Variants in AQR observed in about 807,000 individuals in gnomAD.
AQR encodes the protein aquarius intron-binding spliceosomal factor.
Under a neutral mutation model 180.5 loss-of-function variants are expected in AQR, and 61 were observed. The ratio of observed to expected loss-of-function variants is 0.34; its 90% CI spans 0.28 to 0.42. The LOEUF (loss-of-function observed/expected upper bound fraction) is 0.42. Ranked by LOEUF, AQR falls within the 10% of genes least tolerant of loss-of-function variation. AQR has a pLI of 1.00. For synonymous variants in AQR, 551 were observed against 588.8 expected, an observed-to-expected ratio of 0.94 and a Z score of 0.93; for missense variants, 1,281 against 1,798.3, an observed-to-expected ratio of 0.71 and a Z score of 5.20.
intron 13 of AQR, among the ~76,000 whole-genome samples, chr15:34,920,682 G>A (rs1893669992): frequency 6.6e-6 from 1 of 152,152 alleles, no homozygotes; most frequent in East Asian, 1.9e-4. Flanking sequence ...ATACCGGCAG[G>A]GCAAGGTGGC....
At chr15:34,939,197 T>TA (rs150719165) in intron 8 of AQR, among the ~76,000 whole-genome samples, 16,795 of 152,138 alleles carry the variant, frequency 0.11, 1,030 homozygotes, top group Middle Eastern at 0.17. Context: ...GCCTCTCGAG[T>TA]AGCTGGGATG....
intron 6 of AQR, among the ~76,000 whole-genome samples, chr15:34,943,710 CCA>C (rs147647035): frequency 0.012 from 1,788 of 152,164 alleles, 37 homozygotes; most frequent in African/African-American, 0.04. Context: ...TATCAGCTAA[CCA>C]CACAGGAAAG....
At chr15:34,945,049 C>G (rs531938213) in intron 5 of AQR, among the ~76,000 whole-genome samples, 2 of 152,198 alleles carry the variant, frequency 1.3e-5, no homozygotes, top group Non-Finnish European at 2.9e-5. Flanking sequence ...CTCCTTTTCA[C>G]CATATTGAAG....
At chr15:34,881,795 CTTTG>C (rs1056254616) in intron 27 of AQR, among the ~76,000 whole-genome samples, 1 of 151,778 alleles carries the variant, frequency 6.6e-6, no homozygotes, top group African/African-American at 2.4e-5. Context: ...ATGAAAACCA[CTTTG>C]TTTTTTTTTG....
rs1217672016 is a variant in AQR at position 34,925,118 on chromosome 15, C to G, written c.1118+1917G>C. On this transcript the variant is annotated intron_variant, in intron 13 of 34. Coordinates refer to ENST00000156471, the MANE Select transcript of AQR (RefSeq NM_014691.3). ...TTAAACTGAAAGAAAATAAATGCAA[C>G]ACAAACTAGACAAAGGGATTAGGAC... Among the ~76,000 whole-genome samples, 9 of 151,908 alleles carry G rather than the reference C, an allele frequency of 5.9e-5. No homozygotes were observed. The South Asian group carries it at 6.2e-4, about 11-fold the overall frequency.
At chr15:34,897,537 T>A in intron 21 of AQR, 22 bp downstream of exon 21, 1 of 1,611,520 alleles carries the variant, frequency 6.2e-7, no homozygotes, top group African/African-American at 1.3e-5. Context: ...ATCATTACAA[T>A]TATAATAGGT....
chr15:34,871,025 C>G, intron 30 of AQR, 103 bp from the exon 31 acceptor site: 1 of 1,105,826 alleles, frequency 9.0e-7, no homozygotes, highest in East Asian at 2.4e-5. Flanking sequence ...ACTTTGCACA[C>G]TGCAAGAAGT....
intron 27 of AQR, among the ~76,000 whole-genome samples, chr15:34,877,049 T>C (rs1566980464): frequency 6.6e-6 from 1 of 152,234 alleles, no homozygotes; most frequent in Non-Finnish European, 1.5e-5. Flanking sequence ...TTGTTTAATG[T>C]ATCTTTTCCG....
At chr15:34,890,932 T>G (rs1018522406) in intron 23 of AQR, among the ~76,000 whole-genome samples, 19 of 152,190 alleles carry the variant, frequency 1.2e-4, no homozygotes, top group Admixed American at 1.1e-3. Flanking sequence ...ATTCATTATC[T>G]GAACTTCCGC....
Position 34,860,157 on chromosome 15 carries a change from TAGA to T in AQR, c.4030-5_4030-3del. The T allele has an allele frequency of 6.9e-7, 1 of 1,453,854 alleles. No individual in the cohort carries two copies. The highest frequency in any genetic ancestry group is 1.5e-5 in the South Asian group (1 of 67,700). The allele number at this position is 1,453,854 out of a possible 1,614,324, so 90.1% of individuals were successfully genotyped here. A position where few individuals can be genotyped will look rare whatever the true frequency, so the allele number is the denominator to read the frequency against. On this transcript the variant is annotated splice_region_variant and splice_polypyrimidine_tract_variant and intron_variant, in intron 33 of 34. Transcript: ENST00000156471. ...TTCATGAGATGGTCTCTCTCCATTC[TAGA>T]AGAAGGAAAAAAGAACGTTAAGTAT...
intron 1 of AQR, among the ~76,000 whole-genome samples, chr15:34,968,652 A>G (rs1290957602): frequency 1.3e-5 from 2 of 152,368 alleles, no homozygotes; most frequent in East Asian, 3.9e-4. Context: ...GCTAGAGCAG[A>G]GCAAGAGGAA....
chr15:34,952,931 A>G lies in AQR; in HGVS notation c.174-11T>C, dbSNP rs1455178898. The G allele has an allele frequency of 7.4e-7, 1 of 1,351,710 alleles. No homozygotes were observed. The highest frequency in any genetic ancestry group is 2.4e-5 in the East Asian group (1 of 41,764). The allele number at this position is 1,351,710 out of a possible 1,614,324, so 83.7% of individuals were successfully genotyped here. A position where few individuals can be genotyped will look rare whatever the true frequency, so the allele number is the denominator to read the frequency against. ...TTTCTAATAGCAAACCTGAAAACAT[A>G]AAAATAAATAAAATGTTTAAAATAG... On this transcript the variant is annotated splice_polypyrimidine_tract_variant and intron_variant, in intron 3 of 34. Transcript: ENST00000156471.
At position 34,919,906 on chromosome 15, in the gene AQR, AAAAC is replaced by A. The variant is rs199812759; in HGVS notation, c.1221+422_1221+425del. Among the ~76,000 whole-genome samples, 106 of 152,012 alleles carry A rather than the reference AAAAC, an allele frequency of 7.0e-4. No individual in the cohort carries two copies. The East Asian group carries it at 0.01, about 15-fold the overall frequency. ...GAGAGAGACTCGGTATCAAAAAAAC[AAAAC>A]AAACAAACAAACAAAAAAACAAAAA... On this transcript the variant is annotated intron_variant, in intron 14 of 34. Transcript: ENST00000156471.
chr15:34,903,344 G>C (rs912922260), intron 19 of AQR, among the ~76,000 whole-genome samples: 33 of 152,184 alleles, frequency 2.2e-4, no homozygotes, highest in African/African-American at 7.0e-4. Flanking sequence ...ATGTTAAGTG[G>C]GGGTATCAAA....
intron 4 of AQR, among the ~76,000 whole-genome samples, chr15:34,952,067 A>G (rs1176132215): frequency 6.6e-6 from 1 of 152,210 alleles, no homozygotes; most frequent in Admixed American, 6.5e-5. Flanking sequence ...CATCTACTTC[A>G]TGTCATTTTT....
chr15:34,918,736 C>A (rs993332670), intron 14 of AQR, among the ~76,000 whole-genome samples: 7 of 152,204 alleles, frequency 4.6e-5, no homozygotes, highest in African/African-American at 1.7e-4. Flanking sequence ...TGGCACATGC[C>A]AAGGGTTTAA....
Position 34,910,201 on chromosome 15 carries a change from T to C in AQR, c.1597A>G (p.Thr533Ala), listed in dbSNP as rs1318033551. Reference sequence around the variant, plus strand: ...ATGGTAACATCTGCACGAACTCGGGTTGGCCAGTTTTCACCTATGTTGGGT... The same window carrying C: ...ATGGTAACATCTGCACGAACTCGGGCTGGCCAGTTTTCACCTATGTTGGGT... ...AKPNIGENWP[T>A]RVRADVTINL... Residue 533 changes from threonine to alanine, a missense_variant, in exon 17 of 35, where the codon ACC becomes GCC. Transcript: ENST00000156471. 8 of 1,614,106 alleles carry C rather than the reference T, an allele frequency of 5.0e-6. No individual in the cohort carries two copies. Among genetic ancestry groups the C allele is most frequent in the Non-Finnish European group, 6.8e-6 (8 of 1,180,034 alleles).
chr15:34,888,006 A>C (rs1173709071), intron 24 of AQR, among the ~76,000 whole-genome samples: 1 of 152,216 alleles, frequency 6.6e-6, no homozygotes, highest in African/African-American at 2.4e-5. Context: ...GTTAAACTTA[A>C]AAAGCAACAG....
At chr15:34,930,232 C>T in intron 12 of AQR, 26 bp downstream of exon 12, 1 of 1,414,314 alleles carries the variant, frequency 7.1e-7, no homozygotes, top group South Asian at 1.2e-5. Flanking sequence ...ATGGAGCATA[C>T]ACAGTCTATA....
Sources: gnomAD v4.1 joint callset for allele counts (sites outside exome capture counted in the v4.1 genomes callset) on GRCh38, gnomAD v4.1.1 for gene constraint, MANE v1.5 for transcripts, NCBI Gene and HGNC (gene_info 2026-07-23, HGNC 2026-07-21) for gene names.